CD163L1: variants seen among roughly 807,000 people sequenced by gnomAD.
The protein encoded by CD163L1 is scavenger receptor cysteine-rich type 1 protein M160.
In CD163L1, 124 loss-of-function variants were observed where a neutral mutation model predicts 165.4. That is an observed-to-expected ratio of 0.75 (90% CI 0.65 to 0.87). The LOEUF is 0.87. CD163L1 is among the 40% of genes least tolerant of loss of function. The probability of loss-of-function intolerance (pLI) is 0.00; values close to 1 mark genes in which losing one functional copy is unlikely to be tolerated. For synonymous variants in CD163L1, 585 were observed against 662.2 expected (o/e 0.88, Z 1.79); for missense variants, 1,525 against 1,799.9 (o/e 0.85, Z 2.76).
chr12:7,393,719 CAA>C (rs1256753876), intron 8 of CD163L1, among the ~76,000 whole-genome samples: 3 of 152,326 alleles, frequency 2.0e-5, no homozygotes, highest in Non-Finnish European at 4.4e-5. Flanking sequence ...GCAACTTCAG[CAA>C]AGTCTCAGGA....
chr12:7,353,324 G>A (rs1433686657), downstream of CD163L1, among the ~76,000 whole-genome samples: 2 of 151,868 alleles, frequency 1.3e-5, no homozygotes, highest in African/African-American at 2.4e-5. Flanking sequence ...ATATCAGCAT[G>A]AGGCACAGAA....
intron 3 of CD163L1, among the ~76,000 whole-genome samples, chr12:7,433,137 G>A (rs774214817): frequency 3.9e-5 from 6 of 152,152 alleles, no homozygotes; most frequent in African/African-American, 1.4e-4. Context: ...TAACTGTAAT[G>A]CATTCTCTCT....
At chr12:7,321,195 C>G in the CD163L1 span, among the ~76,000 whole-genome samples, 22 of 152,120 alleles carry the variant, frequency 1.4e-4, no homozygotes, top group Admixed American at 1.3e-4. Context: ...AAATTGTCCT[C>G]TAGTTCTATT....
chr12:7,340,382 G>T, the CD163L1 span, among the ~76,000 whole-genome samples: 7 of 152,046 alleles, frequency 4.6e-5, no homozygotes, highest in Admixed American at 2.0e-4. Context: ...AGTATATGAT[G>T]ATTTCAATTG....
downstream of CD163L1, among the ~76,000 whole-genome samples, chr12:7,353,167 A>G (rs1946719065): frequency 2.0e-5 from 3 of 152,212 alleles, no homozygotes; most frequent in South Asian, 6.2e-4. Context: ...GTAACATGAA[A>G]TAAATGAAAT....
chr12:7,395,453 G>T (rs1947752495), intron 8 of CD163L1, among the ~76,000 whole-genome samples: 1 of 152,088 alleles, frequency 6.6e-6, no homozygotes, highest in East Asian at 1.9e-4. Flanking sequence ...GGTTGGTGGG[G>T]GACTGGGGGA....
At chr12:7,349,909 A>G (rs1946695988) in intron 4 of CD163L1, among the ~76,000 whole-genome samples, 1 of 152,158 alleles carries the variant, frequency 6.6e-6, no homozygotes, top group Admixed American at 6.6e-5. Context: ...TATCTTATAC[A>G]TGAAACTGAC....
chr12:7,389,960 T>TTATATATATATATTTATATA (rs1555197838), intron 8 of CD163L1, among the ~76,000 whole-genome samples: 15 of 135,962 alleles, frequency 1.1e-4, no homozygotes, highest in African/African-American at 3.6e-4. Context: ...ATATATATAT[T>TTATATATATATATTTATATA]TATATATATA....
At chr12:7,425,162 G>T (rs1253633852) in intron 4 of CD163L1, among the ~76,000 whole-genome samples, 2 of 152,078 alleles carry the variant, frequency 1.3e-5, no homozygotes, top group East Asian at 1.9e-4. Flanking sequence ...TAGAACAGAG[G>T]CCTCAGAAAG....
Position 7,398,721 on chromosome 12 carries a change from T to G in CD163L1, c.1409-137A>C. The G allele has an allele frequency of 1.4e-6, 1 of 692,252 alleles. No individual in the cohort carries two copies. Among genetic ancestry groups the G allele is most frequent in the South Asian group, 4.8e-5 (1 of 20,968 alleles). 42.9% of individuals were successfully genotyped at this position (692,252 alleles called of 1,614,324 possible). On this transcript the variant is annotated intron_variant, in intron 6 of 19. Transcript: ENST00000313599. The surrounding 1 kb of genome is among the most constrained non-coding windows in gnomAD (Gnocchi z 4.5). ...TTAGGCACACTTTTGAATGAAAAGTTTGGTTTTCTTTCTTTTGACAATTTT... is the reference window on the plus strand; with the variant it reads ...TTAGGCACACTTTTGAATGAAAAGTGTGGTTTTCTTTCTTTTGACAATTTT...
chr12:7,394,798 C>G (rs1030741878), intron 8 of CD163L1, among the ~76,000 whole-genome samples: 6 of 152,146 alleles, frequency 3.9e-5, no homozygotes, highest in Non-Finnish European at 5.9e-5. Context: ...TGAACAGACA[C>G]TTCTCAAAAG....
chr12:7,383,218 T>C (rs1345105040), intron 8 of CD163L1, among the ~76,000 whole-genome samples: 1 of 152,058 alleles, frequency 6.6e-6, no homozygotes, highest in African/African-American at 2.4e-5. Context: ...CTCACCATAG[T>C]CTGTCCCTGT....
chr12:7,389,484 G>A (rs756649255), intron 8 of CD163L1, among the ~76,000 whole-genome samples: 2 of 152,260 alleles, frequency 1.3e-5, no homozygotes, highest in South Asian at 4.1e-4. Flanking sequence ...CATGGACATA[G>A]AGAGTAGAAG....
intron 7 of CD163L1, among the ~76,000 whole-genome samples, chr12:7,397,831 A>G (rs1240943689): frequency 6.6e-6 from 1 of 152,214 alleles, no homozygotes; most frequent in African/African-American, 2.4e-5. Flanking sequence ...ATGAATATTA[A>G]GGATGTGAGA....
chr12:7,332,329 G>A, the CD163L1 span, among the ~76,000 whole-genome samples: 1 of 152,154 alleles, frequency 6.6e-6, no homozygotes, highest in African/African-American at 2.4e-5. Context: ...AAAGTGACGG[G>A]GAGAATGGAA....
At chr12:7,334,324 G>T in the CD163L1 span, among the ~76,000 whole-genome samples, 6 of 152,304 alleles carry the variant, frequency 3.9e-5, no homozygotes, top group South Asian at 4.1e-4. Flanking sequence ...TGGGATGCAA[G>T]GCTGGTTCAA....
intron 4 of CD163L1, among the ~76,000 whole-genome samples, chr12:7,407,580 G>A (rs1185045481): frequency 1.3e-5 from 2 of 150,820 alleles, no homozygotes; most frequent in Non-Finnish European, 3.0e-5. Context: ...ATCATATGTA[G>A]TGGTCAATTT....
At position 7,369,460 on chromosome 12, in the gene CD163L1, G is replaced by C. The variant is rs1241631729; in HGVS notation, c.3936C>G (p.Asp1312Glu). The change falls in exon 15 of 20, where the codon GAC becomes GAG. Residue 1312 changes from aspartate to glutamate, a missense_variant. Coordinates refer to ENST00000313599, the MANE Select transcript of CD163L1 (RefSeq NM_174941.6). The surrounding 1 kb of genome is among the most constrained non-coding windows in gnomAD (Gnocchi z 4.9). Reference sequence around the variant, plus strand: ...ATGACTCATTTCCTTTGCACCGCATGTCATCCAACCAGATGGTTCCAGTTC... The same window carrying C: ...ATGACTCATTTCCTTTGCACCGCATCTCATCCAACCAGATGGTTCCAGTTC... ...GQGTGTIWLD[D>E]MRCKGNESFL... The C allele has an allele frequency of 1.2e-6, 2 of 1,614,182 alleles. No individual in the cohort carries two copies. The highest frequency in any genetic ancestry group is 2.2e-5 in the South Asian group (2 of 91,084).
At chr12:7,421,481 G>GTATATA (rs1948402470) in intron 4 of CD163L1, among the ~76,000 whole-genome samples, 6 of 93,244 alleles carry the variant, frequency 6.4e-5, no homozygotes, top group Admixed American at 2.7e-4. Context: ...ATACATATAT[G>GTATATA]TACATATATA....
Sources: allele counts gnomAD v4.1 joint callset (sites outside exome capture counted in the v4.1 genomes callset), GRCh38; gene constraint gnomAD v4.1.1; non-coding constraint Gnocchi (gnomAD v3.1); transcripts MANE v1.5; gene names NCBI Gene and HGNC (gene_info 2026-07-23, HGNC 2026-07-21).